The following VWA8 variants were observed in gnomAD, a reference collection of about 807,000 sequenced individuals.
VWA8 encodes von Willebrand factor A domain containing 8, also known as von Willebrand factor A domain-containing protein 8.
VWA8 carries 221 observed loss-of-function variants against 241.5 expected under a neutral mutation model. That is an observed-to-expected ratio of 0.91 (90% CI 0.82 to 1.02). VWA8 has a LOEUF of 1.02. Ranked by LOEUF, VWA8 falls within the 50% of genes least tolerant of loss-of-function variation. The pLI is 0.00. For missense variants in VWA8, 2,322 were observed against 2,328.7 expected (o/e 1.00, Z 0.06); for synonymous variants, 852 against 827.1 (o/e 1.03, Z -0.52).
chr13:41,878,124 A>G (rs1873988941), intron 9 of VWA8, among the ~76,000 whole-genome samples: 1 of 152,102 alleles, frequency 6.6e-6, no homozygotes, highest in South Asian at 2.1e-4. Context: ...TCTAGGAGAA[A>G]AAATAATTAT....
chr13:41,751,400 C>T (rs752700794), intron 21 of VWA8, among the ~76,000 whole-genome samples: 15 of 152,250 alleles, frequency 9.9e-5, no homozygotes, highest in Middle Eastern at 3.4e-3. Flanking sequence ...TTCTGTGCAG[C>T]GGCTGACATT....
chr13:41,594,398 G>C (rs1412142797), intron 40 of VWA8, among the ~76,000 whole-genome samples: 3 of 152,056 alleles, frequency 2.0e-5, no homozygotes, highest in Non-Finnish European at 4.4e-5. Flanking sequence ...CCAAAGTGCT[G>C]GGACTATGGG....
At chr13:41,592,665 T>G (rs1010193341) in intron 40 of VWA8, among the ~76,000 whole-genome samples, 5 of 151,364 alleles carry the variant, frequency 3.3e-5, no homozygotes, top group Non-Finnish European at 7.4e-5. Flanking sequence ...ATGTTCATAT[T>G]TTCCCTAAAA....
intron 21 of VWA8, 94 bp from the exon 22 acceptor site, chr13:41,732,249 T>C: frequency 1.7e-6 from 2 of 1,210,166 alleles, no homozygotes; most frequent in Non-Finnish European, 2.3e-6. Context: ...TTTTAAAAGA[T>C]TTTTGTTCAT....
At chr13:41,647,891 A>G (rs933767692) in intron 37 of VWA8, among the ~76,000 whole-genome samples, 3 of 152,148 alleles carry the variant, frequency 2.0e-5, no homozygotes, top group African/African-American at 7.2e-5. Flanking sequence ...CAGGAGGCTG[A>G]AGCAGGAGAA....
intron 16 of VWA8, among the ~76,000 whole-genome samples, chr13:41,812,722 TG>T (rs1430832793): frequency 6.6e-6 from 1 of 152,186 alleles, no homozygotes; most frequent in African/African-American, 2.4e-5. Context: ...ATATTTCCTT[TG>T]GGAATTAGGT....
At chr13:41,575,608 G>A (rs1293008757) in intron 43 of VWA8, 132 bp downstream of exon 43, 3 of 639,174 alleles carry the variant, frequency 4.7e-6, no homozygotes, top group Non-Finnish European at 7.8e-6. Flanking sequence ...TGTTTTCTCA[G>A]TTCAATACTT....
At chr13:41,952,450 G>T (rs1878178182) in intron 1 of VWA8, among the ~76,000 whole-genome samples, 1 of 152,142 alleles carries the variant, frequency 6.6e-6, no homozygotes, top group African/African-American at 2.4e-5. Context: ...AAATATAAGT[G>T]ATATTATCTA....
At chr13:41,705,837 T>C (rs540633018) in intron 26 of VWA8, among the ~76,000 whole-genome samples, 8 of 152,290 alleles carry the variant, frequency 5.3e-5, no homozygotes, top group Non-Finnish European at 1.2e-4. Flanking sequence ...CTTGATACTC[T>C]GAAGTGAAAA....
At chr13:41,769,802 A>G (rs1430628959) in intron 20 of VWA8, among the ~76,000 whole-genome samples, 1 of 152,238 alleles carries the variant, frequency 6.6e-6, no homozygotes, top group East Asian at 1.9e-4. Context: ...TTGATGTAGA[A>G]CTAAATGAAA....
chr13:41,852,832 C>A (rs1009701253), intron 12 of VWA8, among the ~76,000 whole-genome samples: 1 of 152,074 alleles, frequency 6.6e-6, no homozygotes, highest in Non-Finnish European at 1.5e-5. Context: ...GTTTTTAATG[C>A]CATGCTATTT....
At chr13:41,618,905 C>G (rs536043832) in intron 37 of VWA8, among the ~76,000 whole-genome samples, 5 of 152,154 alleles carry the variant, frequency 3.3e-5, no homozygotes, top group African/African-American at 9.7e-5. Context: ...AGTAAGGTAG[C>G]GTGATGCCTC....
intron 37 of VWA8, among the ~76,000 whole-genome samples, chr13:41,646,985 A>G (rs927462543): frequency 2.0e-5 from 3 of 152,226 alleles, no homozygotes; most frequent in Non-Finnish European, 4.4e-5. Context: ...ATAAAATGGG[A>G]CTATCATCAT....
intron 37 of VWA8, among the ~76,000 whole-genome samples, chr13:41,628,230 C>T (rs1481110948): frequency 6.6e-6 from 1 of 152,042 alleles, no homozygotes; most frequent in Non-Finnish European, 1.5e-5. Context: ...AGAGAGGTAG[C>T]AGAGAAAAGG....
rs79643764 is a variant in VWA8, at chr13:41,945,319, C to T, written c.241+4617G>A. ...GCAACACAAGGAGCAACCACAAAGC[C>T]TGGGAAGGAGAGATTATACTATTTA... On this transcript the variant is annotated intron_variant, in intron 2 of 44. Transcript: ENST00000379310. 7.7e-3 allele frequency among the ~76,000 whole-genome samples: 1,171 copies of T among 151,350 alleles called. 28 individuals carry two copies. The highest frequency in any genetic ancestry group is 0.069 in the East Asian group (358 of 5,176).
intron 35 of VWA8, among the ~76,000 whole-genome samples, chr13:41,676,592 A>T (rs2045061796): frequency 6.6e-6 from 1 of 152,048 alleles, no homozygotes; most frequent in East Asian, 1.9e-4. Flanking sequence ...TGCCTATTTT[A>T]TTGTGCAAGG....
intron 9 of VWA8, among the ~76,000 whole-genome samples, chr13:41,880,120 C>T (rs530403142): frequency 2.0e-5 from 3 of 152,110 alleles, no homozygotes; most frequent in African/African-American, 7.2e-5. Flanking sequence ...GAAAACCATG[C>T]CCCACGTATT....
intron 37 of VWA8, among the ~76,000 whole-genome samples, chr13:41,630,258 T>C (rs1210515103): frequency 2.0e-5 from 3 of 147,310 alleles, no homozygotes; most frequent in Non-Finnish European, 2.9e-5. Context: ...AAAGGGTTTC[T>C]TTCCTTTTCA....
chr13:41,923,101 A>T (rs894203213), intron 2 of VWA8, among the ~76,000 whole-genome samples: 1 of 152,252 alleles, frequency 6.6e-6, no homozygotes, highest in Non-Finnish European at 1.5e-5. Context: ...AATACTATGC[A>T]GCCATAAAAA....
Sources: gnomAD v4.1 joint callset for allele counts (sites outside exome capture counted in the v4.1 genomes callset) on GRCh38, gnomAD v4.1.1 for gene constraint, MANE v1.5 for transcripts, NCBI Gene and HGNC (gene_info 2026-07-23, HGNC 2026-07-21) for gene names.